TOX: variants seen among roughly 807,000 people sequenced by gnomAD.
TOX encodes thymocyte selection associated high mobility group box, also known as thymocyte selection-associated high mobility group box protein TOX.
Under a neutral mutation model 53.7 loss-of-function variants are expected in TOX, and 11 were observed. The observed-to-expected ratio is 0.20, with a 90% confidence interval of 0.13 to 0.34. The LOEUF (loss-of-function observed/expected upper bound fraction) is 0.34, where lower values mean the gene tolerates loss of function less well. Ranked by LOEUF, TOX falls within the 10% of genes least tolerant of loss-of-function variation. The probability of loss-of-function intolerance (pLI) is 1.00; values close to 1 mark genes in which losing one functional copy is unlikely to be tolerated. For missense variants in TOX, 570 were observed against 664.6 expected (o/e 0.86, Z 1.56); for synonymous variants, 225 against 245.3 (o/e 0.92, Z 0.77).
intron 1 of TOX, among the ~76,000 whole-genome samples, chr8:59,063,175 G>A (rs1804018480): frequency 6.6e-6 from 1 of 152,054 alleles, no homozygotes; most frequent in African/African-American, 2.4e-5. Context: ...TAAGCACTGA[G>A]GATTTGTAAG....
At chr8:59,073,543 T>A (rs1303970870) in intron 1 of TOX, among the ~76,000 whole-genome samples, 4 of 152,166 alleles carry the variant, frequency 2.6e-5, no homozygotes, top group African/African-American at 7.2e-5. Flanking sequence ...GCACATATAG[T>A]AGGAGACTTT....
At chr8:59,081,104 G>A (rs1804398041) in intron 1 of TOX, among the ~76,000 whole-genome samples, 1 of 152,118 alleles carries the variant, frequency 6.6e-6, no homozygotes, top group Admixed American at 6.5e-5. Context: ...TAGGCTTACT[G>A]CAGTGTCTGC....
intron 1 of TOX, among the ~76,000 whole-genome samples, chr8:59,115,309 G>A (rs1375373855): frequency 1.3e-5 from 2 of 152,112 alleles, no homozygotes; most frequent in Non-Finnish European, 2.9e-5. Flanking sequence ...ACATCACATC[G>A]TTGTAAAAAT....
At chr8:58,854,479 T>C (rs565919097) in intron 3 of TOX, among the ~76,000 whole-genome samples, 1 of 152,198 alleles carries the variant, frequency 6.6e-6, no homozygotes, top group South Asian at 2.1e-4. Context: ...ATTTGTGTAG[T>C]GTGTAGATCT....
chr8:58,877,131 A>C (rs529130620), intron 3 of TOX, among the ~76,000 whole-genome samples: 120 of 152,156 alleles, frequency 7.9e-4, no homozygotes, highest in Non-Finnish European at 1.6e-3. Flanking sequence ...CAGTTTACAA[A>C]GGGAACCAAT....
At chr8:58,855,898 G>T (rs1412876559) in intron 3 of TOX, among the ~76,000 whole-genome samples, 3 of 152,032 alleles carry the variant, frequency 2.0e-5, no homozygotes, top group Admixed American at 2.0e-4. Context: ...CCGAGAATTT[G>T]CTGTCTAAAG....
rs1201029568 is a variant in TOX at position 58,967,800 on chromosome 8, C to T, written c.103-7792G>A. ...CCCTGCCTTGCTTACTTTCCCCTCA[C>T]TCTGGTTTCCCTGGGCTTACATTCC... On this transcript the variant is annotated intron_variant, in intron 1 of 8. Coordinates refer to ENST00000361421, the MANE Select transcript of TOX (RefSeq NM_014729.3). Among the ~76,000 whole-genome samples, 3 of 152,218 alleles carry T rather than the reference C, an allele frequency of 2.0e-5. No homozygotes were observed. In the East Asian group the frequency reaches 5.8e-4, roughly 29 times the overall value.
At chr8:58,913,933 T>C (rs1298541839) in intron 3 of TOX, among the ~76,000 whole-genome samples, 2 of 152,220 alleles carry the variant, frequency 1.3e-5, no homozygotes, top group African/African-American at 2.4e-5. Context: ...GTCCTGGTTA[T>C]TGGAGTGACA....
chr8:58,999,204 G>A (rs1036832954), intron 1 of TOX, among the ~76,000 whole-genome samples: 9 of 151,930 alleles, frequency 5.9e-5, no homozygotes, highest in African/African-American at 2.2e-4. Flanking sequence ...ATATGATTGA[G>A]AAATAATTGA....
At chr8:58,996,606 C>A (rs1321261292) in intron 1 of TOX, among the ~76,000 whole-genome samples, 1 of 152,080 alleles carries the variant, frequency 6.6e-6, no homozygotes, top group South Asian at 2.1e-4. Context: ...TTTTCCTGTA[C>A]CTTTATGTTG....
chr8:58,907,869 G>A (rs912373828), intron 3 of TOX, among the ~76,000 whole-genome samples: 9 of 152,120 alleles, frequency 5.9e-5, no homozygotes, highest in African/African-American at 2.2e-4. Flanking sequence ...AAGTAATCTG[G>A]ACTCAATTCA....
intron 1 of TOX, among the ~76,000 whole-genome samples, chr8:59,068,637 CT>C (rs1804138924): frequency 1.3e-5 from 2 of 152,270 alleles, no homozygotes; most frequent in African/African-American, 4.8e-5. Flanking sequence ...TTACAACAAC[CT>C]TGTATGCTTG....
intron 7 of TOX, 128 bp downstream of exon 7, chr8:58,815,210 C>T: frequency 2.3e-6 from 3 of 1,282,508 alleles, no homozygotes; most frequent in Non-Finnish European, 3.1e-6. Context: ...TTAGTGCTCT[C>T]TTGACTTAAA....
At chr8:58,855,330 A>C (rs1380303047) in intron 3 of TOX, among the ~76,000 whole-genome samples, 1 of 152,208 alleles carries the variant, frequency 6.6e-6, no homozygotes, top group African/African-American at 2.4e-5. Context: ...AGACATTACT[A>C]CTTGGACATC....
At position 58,815,751 on chromosome 8, in the gene TOX, T is replaced by C. The variant is rs1810165282; in HGVS notation, c.1006-27A>G. On this transcript the variant is annotated intron_variant, in intron 6 of 8. Transcript: ENST00000361421. ...TGTTGAGGAAATAAATGAGCAGAGTTGGGAGGCTGATACATGAGTGTTGAT... is the reference window on the plus strand; with the variant it reads ...TGTTGAGGAAATAAATGAGCAGAGTCGGGAGGCTGATACATGAGTGTTGAT... 11 of 1,574,972 alleles carry C rather than the reference T, an allele frequency of 7.0e-6. No homozygotes were observed. In the Admixed American group the frequency reaches 2.0e-4, roughly 28 times the overall value.
chr8:58,886,150 G>C (rs768534919), intron 3 of TOX, among the ~76,000 whole-genome samples: 2 of 151,980 alleles, frequency 1.3e-5, no homozygotes, highest in Non-Finnish European at 2.9e-5. Flanking sequence ...CTTTTTACCT[G>C]GCCATGTTTC....
At chr8:58,995,695 A>G (rs1308970971) in intron 1 of TOX, among the ~76,000 whole-genome samples, 1 of 152,242 alleles carries the variant, frequency 6.6e-6, no homozygotes, top group East Asian at 1.9e-4. Context: ...TTATAAAAAT[A>G]TGAATTGGGG....
intron 6 of TOX, among the ~76,000 whole-genome samples, chr8:58,824,412 T>C (rs1171531271): frequency 2.0e-5 from 3 of 152,196 alleles, no homozygotes; most frequent in Non-Finnish European, 4.4e-5. Flanking sequence ...TCCTTCAGGA[T>C]TGGGCTCCTG....
intron 1 of TOX, among the ~76,000 whole-genome samples, chr8:59,066,162 A>AT (rs1804089785): frequency 6.6e-6 from 1 of 152,242 alleles, no homozygotes; most frequent in Non-Finnish European, 1.5e-5. Flanking sequence ...TGTGAACAGT[A>AT]AAAAGCATTA....
Sources: gnomAD v4.1 joint callset for allele counts (sites outside exome capture counted in the v4.1 genomes callset) on GRCh38, gnomAD v4.1.1 for gene constraint, MANE v1.5 for transcripts, NCBI Gene and HGNC (gene_info 2026-07-23, HGNC 2026-07-21) for gene names.